Variants in NUMB observed in about 807,000 individuals in gnomAD.
NUMB encodes the protein protein numb homolog.
In NUMB, 29 loss-of-function variants were observed where a neutral mutation model predicts 59.7. The observed-to-expected ratio is 0.49, with a 90% CI of 0.36 to 0.66. The LOEUF (loss-of-function observed/expected upper bound fraction) is 0.66. Ranked by LOEUF, NUMB falls within the 30% of genes least tolerant of loss-of-function variation. NUMB has a pLI of 0.00. For synonymous variants in NUMB, 288 were observed against 288.2 expected, an observed-to-expected ratio of 1.00 and a Z score of 0.01; for missense variants, 723 against 822.0, an observed-to-expected ratio of 0.88 and a Z score of 1.47.
At chr14:73,401,452 T>C (rs1163065325) in intron 2 of NUMB, among the ~76,000 whole-genome samples, 1 of 150,626 alleles carries the variant, frequency 6.6e-6, no homozygotes, top group East Asian at 1.9e-4. Flanking sequence ...AATGACTAAC[T>C]GGCTATAAAC....
At chr14:73,414,887 T>A (rs938499044) in intron 1 of NUMB, among the ~76,000 whole-genome samples, 100 of 152,024 alleles carry the variant, frequency 6.6e-4, no homozygotes, top group Non-Finnish European at 1.2e-3. Context: ...GCCCAGCTAA[T>A]TTTTTTGTAT....
intron 12 of NUMB, among the ~76,000 whole-genome samples, chr14:73,278,520 C>CAA (rs58404965): frequency 7.5e-6 from 1 of 133,278 alleles, no homozygotes; most frequent in East Asian, 2.0e-4. Context: ...ACTCCACCTC[C>CAA]AAAAAAAAAA....
In NUMB at chr14:73,276,922, C is replaced by T. The variant is rs1440572903; in HGVS notation, c.1612G>A (p.Val538Ile). The T allele has an allele frequency of 3.7e-6, 6 of 1,614,168 alleles. No homozygotes were observed. The South Asian group carries it at 4.4e-5, about 12-fold the overall frequency. The change falls in exon 13 of 13, where the codon GTA becomes ATA. Residue 538 changes from valine (V) to isoleucine (I), a missense_variant. Around this residue, in one of 2 missense-constraint regions of NUMB, gnomAD observed 406 missense variants for 385.4 expected, o/e 1.05. Coordinates refer to ENST00000555238, the MANE Select transcript of NUMB (RefSeq NM_001005743.2). The stretch of plus-strand genomic sequence containing the variant: ...TGAGGGTGGCCTGCAGTGCCAAATA[C>T]GTTGGCCACCATCTGGGAGGGAGTG... ...GITPSQMVAN[V>I]FGTAGHPQAA...
chr14:73,422,138 C>T (rs1333894320), intron 1 of NUMB, among the ~76,000 whole-genome samples: 3 of 89,720 alleles, frequency 3.3e-5, no homozygotes, highest in Non-Finnish European at 6.4e-5. Context: ...AGCGAGACTT[C>T]GTCAAAAAAA....
chr14:73,284,234 C>T lies in NUMB; in HGVS notation c.796G>A (p.Ala266Thr). 6.2e-7 allele frequency: 1 copy of T among 1,614,148 alleles called. No homozygotes were observed. Among genetic ancestry groups the T allele is most frequent in the Non-Finnish European group, 8.5e-7 (1 of 1,180,032 alleles). The change falls in exon 10 of 13, where the codon GCT becomes ACT. Residue 266 changes from alanine to threonine, a missense_variant. Transcript: ENST00000555238. The part of the protein sequence containing the change: ...NNPHAIPRRH[A>T]PIEQLARQGS... The stretch of plus-strand genomic sequence containing the variant: ...TGGCGAGCAAGCTGTTCAATTGGAG[C>T]ATGCCGGCGTGGGATGGCATGAGGA...
chr14:73,447,627 GA>G (rs972277101), intron 1 of NUMB, among the ~76,000 whole-genome samples: 1 of 112,962 alleles, frequency 8.9e-6, no homozygotes, highest in East Asian at 2.5e-4. Context: ...CACTAAAAAG[GA>G]AAAAAAAACA....
intron 6 of NUMB, among the ~76,000 whole-genome samples, chr14:73,310,106 A>G (rs957832867): frequency 6.6e-6 from 1 of 152,206 alleles, no homozygotes; most frequent in Non-Finnish European, 1.5e-5. Context: ...TGCTACAAAG[A>G]AAAATAAATC....
chr14:73,451,455 TACA>T (rs1391040162), intron 1 of NUMB, among the ~76,000 whole-genome samples: 2 of 112,936 alleles, frequency 1.8e-5, no homozygotes, highest in Non-Finnish European at 3.7e-5. Flanking sequence ...AAAAAAAACC[TACA>T]ACAAAAATTA....
chr14:73,338,349 T>C (rs900397000), intron 4 of NUMB, among the ~76,000 whole-genome samples: 1 of 151,998 alleles, frequency 6.6e-6, no homozygotes, highest in Non-Finnish European at 1.5e-5. Flanking sequence ...ACTTTACAAA[T>C]CTATCAATAA....
At chr14:73,291,711 T>A (rs1594869484) in intron 8 of NUMB, among the ~76,000 whole-genome samples, 1 of 144,342 alleles carries the variant, frequency 6.9e-6, no homozygotes, top group South Asian at 2.2e-4. Context: ...TTGGCCAGAG[T>A]CTTGCTCTGT....
chr14:73,382,845 T>C lies in NUMB; in HGVS notation c.-100-15864A>G, dbSNP rs143751052. Among the ~76,000 whole-genome samples, 66 of 151,744 alleles carry C rather than the reference T, an allele frequency of 4.3e-4. 1 individual carries two copies. The highest frequency in any genetic ancestry group is 1.4e-3 in the African/African-American group (60 of 41,390). On this transcript the variant is annotated intron_variant, in intron 2 of 12. Transcript: ENST00000555238. ...AAATCAAGAGAAAAAAAGAAGACAA[T>C]AGGAAAAGATCAAATAGGAGCTGGG...
chr14:73,436,716 C>T (rs963178086), intron 1 of NUMB, among the ~76,000 whole-genome samples: 4 of 152,012 alleles, frequency 2.6e-5, no homozygotes, highest in African/African-American at 7.2e-5. Flanking sequence ...CGCGGTGGCT[C>T]ACACCTGTAA....
At chr14:73,315,666 GA>G (rs1274024291) in intron 6 of NUMB, among the ~76,000 whole-genome samples, 1 of 151,548 alleles carries the variant, frequency 6.6e-6, no homozygotes, top group African/African-American at 2.4e-5. Context: ...ATTTAGATTG[GA>G]AAAAAAATTG....
chr14:73,419,317 T>C (rs1299487328), intron 1 of NUMB, among the ~76,000 whole-genome samples: 3 of 152,098 alleles, frequency 2.0e-5, no homozygotes, highest in Non-Finnish European at 4.4e-5. Context: ...GAGACAATCC[T>C]GGCTAACACG....
Position 73,291,418 on chromosome 14 carries a change from G to A in NUMB, c.450+1316C>T, listed in dbSNP as rs1269204587. Among the ~76,000 whole-genome samples, 17 of 149,098 alleles carry A rather than the reference G, an allele frequency of 1.1e-4. No individual in the cohort carries two copies. In the East Asian group the frequency reaches 2.4e-3, roughly 21 times the overall value. ...ATTTTTGAGACGGAGTCTTACTGTC[G>A]TCCAGGCTGGAGTGCAGTGGTGCAA... is the stretch of plus-strand genomic sequence containing the variant. On this transcript the variant is annotated intron_variant, in intron 8 of 12. Transcript: ENST00000555238.
chr14:73,353,006 G>C (rs1893506607), intron 4 of NUMB, among the ~76,000 whole-genome samples: 1 of 144,194 alleles, frequency 6.9e-6, no homozygotes, highest in South Asian at 2.2e-4. Context: ...ACATAATACA[G>C]ATCTACCTTA....
At chr14:73,405,356 CTCTG>C (rs1896606520) in intron 2 of NUMB, among the ~76,000 whole-genome samples, 1 of 151,968 alleles carries the variant, frequency 6.6e-6, no homozygotes, top group Non-Finnish European at 1.5e-5. Flanking sequence ...AACCCTCTAG[CTCTG>C]GCTCAAGGCC....
chr14:73,384,262 A>G (rs1895388532), intron 2 of NUMB, among the ~76,000 whole-genome samples: 1 of 150,232 alleles, frequency 6.7e-6, no homozygotes, highest in African/African-American at 2.5e-5. Context: ...CTAATTTTTT[A>G]TATTTTTTAG....
chr14:73,424,313 A>G (rs537869983), intron 1 of NUMB, among the ~76,000 whole-genome samples: 10 of 152,348 alleles, frequency 6.6e-5, no homozygotes, highest in African/African-American at 2.4e-4. Flanking sequence ...CAGAATCCTA[A>G]TATGTCTTCT....
Sources: gnomAD v4.1 joint callset for allele counts (sites outside exome capture counted in the v4.1 genomes callset) on GRCh38, gnomAD v4.1.1 for gene constraint, gnomAD v4.1.1 regional missense constraint, MANE v1.5 for transcripts, NCBI Gene and HGNC (gene_info 2026-07-23, HGNC 2026-07-21) for gene names.